The following PCMTD1 variants were observed in gnomAD, a reference collection of about 807,000 sequenced individuals.
PCMTD1 encodes the protein protein-L-isoaspartate O-methyltransferase domain-containing protein 1.
In PCMTD1, 12 loss-of-function variants were observed where a neutral mutation model predicts 37.6. The ratio of observed to expected loss-of-function variants is 0.32; its 90% CI spans 0.20 to 0.52. PCMTD1 has a LOEUF of 0.52. Among genes scored for constraint, PCMTD1 ranks in the 20% least tolerant of loss-of-function variants. The pLI, the probability that PCMTD1 is intolerant of heterozygous loss-of-function variation, is 0.97. For synonymous variants in PCMTD1, 117 were observed against 135.8 expected (o/e 0.86, Z 0.96); for missense variants, 235 against 421.3 (o/e 0.56, Z 3.87).
intron 1 of PCMTD1, among the ~76,000 whole-genome samples, chr8:51,866,550 T>C (rs1018777850): frequency 4.6e-5 from 7 of 151,902 alleles, no homozygotes; most frequent in Non-Finnish European, 1.0e-4. Flanking sequence ...CTTCAATAAG[T>C]GCTGCTGGGA....
At position 51,817,793 on chromosome 8, in the gene PCMTD1, T is replaced by C; in HGVS notation, c.*2558A>G. ...CAATAAGCAGTATAGATTTAAATTA[T>C]CTTCTTGGGTTGGTCTGAGGTTGCT... On this transcript the variant is annotated 3_prime_UTR_variant, in exon 6 of 6. Coordinates refer to ENST00000522514, the MANE Select transcript of PCMTD1 (RefSeq NM_052937.4). The C allele has an allele frequency of 2.2e-6, 1 of 455,922 alleles. No individual in the cohort carries two copies. The highest frequency in any genetic ancestry group is 7.0e-5 in the East Asian group (1 of 14,384). 28.2% of individuals were successfully genotyped at this position (455,922 alleles called of 1,614,324 possible).
chr8:51,820,121 ACT>A lies in PCMTD1; in HGVS notation c.*228_*229del. 3.0e-6 allele frequency: 1 copy of A among 337,874 alleles called. No individual in the cohort carries two copies. Among genetic ancestry groups the A allele is most frequent in the South Asian group, 6.9e-5 (1 of 14,470 alleles). 20.9% of individuals were successfully genotyped at this position (337,874 alleles called of 1,614,324 possible). A position where few individuals can be genotyped will look rare whatever the true frequency, so the allele number is the denominator to read the frequency against. ...TACTGTTGCATTCCACTTTGAAATC[ACT>A]CTGAGCTAAAACAACATTTTTCCAA... On this transcript the variant is annotated 3_prime_UTR_variant, in exon 6 of 6. Transcript: ENST00000522514.
At chr8:51,888,567 T>C (rs2038895236) in intron 1 of PCMTD1, among the ~76,000 whole-genome samples, 1 of 152,140 alleles carries the variant, frequency 6.6e-6, no homozygotes, top group Admixed American at 6.5e-5. Flanking sequence ...CAGAATCAAA[T>C]ATATGCATGA....
In PCMTD1 at chr8:51,831,182, C is replaced by T. The variant is rs1008650282; in HGVS notation, c.706+262G>A. On this transcript the variant is annotated intron_variant, in intron 5 of 5. Transcript: ENST00000522514. The stretch of plus-strand genomic sequence containing the variant: ...GCGTGGCGGTGCACACCTGTAATCC[C>T]ACCTACTTGGGTGTCTGAGGCACAA... Among the ~76,000 whole-genome samples, 8 of 151,884 alleles carry T rather than the reference C, an allele frequency of 5.3e-5. No individual in the cohort carries two copies. The South Asian group carries it at 1.0e-3, about 20-fold the overall frequency.
chr8:51,873,710 C>A (rs1022733388), intron 1 of PCMTD1, among the ~76,000 whole-genome samples: 2 of 152,032 alleles, frequency 1.3e-5, no homozygotes, highest in African/African-American at 4.8e-5. Context: ...CCTCCCCCTA[C>A]GCTCTCTGGC....
At chr8:51,895,690 TC>T (rs1297790991) in intron 1 of PCMTD1, among the ~76,000 whole-genome samples, 5 of 152,126 alleles carry the variant, frequency 3.3e-5, no homozygotes, top group Non-Finnish European at 7.4e-5. Context: ...CTTACCATAT[TC>T]TAAAAACGTC....
At chr8:51,848,319 A>G (rs1168433800) in intron 2 of PCMTD1, among the ~76,000 whole-genome samples, 2 of 152,130 alleles carry the variant, frequency 1.3e-5, no homozygotes, top group African/African-American at 2.4e-5. Context: ...GAGAGAGAGA[A>G]AAAAAATCTA....
intron 2 of PCMTD1, chr8:51,849,309 C>T (rs1296515741): frequency 6.6e-6 from 1 of 151,730 alleles, no homozygotes. Flanking sequence ...CTAATAGGTA[C>T]AAGTTGTCAA....
intron 5 of PCMTD1, among the ~76,000 whole-genome samples, chr8:51,824,588 GA>G (rs775853133): frequency 7.2e-5 from 11 of 152,134 alleles, no homozygotes; most frequent in Non-Finnish European, 1.3e-4. Context: ...TCATGGATAG[GA>G]AGAATCAATA....
chr8:51,831,443 C>A lies in PCMTD1; in HGVS notation c.706+1G>T. ...ATCAGAAAATATGAAGAGCTACTTACGGAGTCCCACAGAATCTGGTTTGCC... is the reference window on the plus strand; with the variant it reads ...ATCAGAAAATATGAAGAGCTACTTAAGGAGTCCCACAGAATCTGGTTTGCC... On this transcript the variant is annotated splice_donor_variant, in intron 5 of 5. Transcript: ENST00000522514. LOFTEE classifies it high-confidence loss of function. 6.2e-7 allele frequency: 1 copy of A among 1,612,062 alleles called. No homozygotes were observed. Among genetic ancestry groups the A allele is most frequent in the Non-Finnish European group, 8.5e-7 (1 of 1,179,222 alleles).
At chr8:51,857,408 G>A (rs905662185) in intron 2 of PCMTD1, among the ~76,000 whole-genome samples, 4 of 152,140 alleles carry the variant, frequency 2.6e-5, no homozygotes, top group Non-Finnish European at 4.4e-5. Context: ...GTTTATACAA[G>A]AAAATGAAAA....
chr8:51,868,210 C>A (rs1367727254), intron 1 of PCMTD1, among the ~76,000 whole-genome samples: 1 of 152,014 alleles, frequency 6.6e-6, no homozygotes, highest in African/African-American at 2.4e-5. Flanking sequence ...TTTACATAGT[C>A]AAAATACTAT....
At chr8:51,824,085 A>G (rs971711663) in intron 5 of PCMTD1, among the ~76,000 whole-genome samples, 1 of 152,188 alleles carries the variant, frequency 6.6e-6, no homozygotes, top group South Asian at 2.1e-4. Context: ...CCCACAGCCA[A>G]TATCATACTG....
intron 1 of PCMTD1, among the ~76,000 whole-genome samples, chr8:51,889,263 C>A (rs550663630): frequency 6.6e-6 from 1 of 152,126 alleles, no homozygotes; most frequent in African/African-American, 2.4e-5. Flanking sequence ...AAGTAGTATA[C>A]GACTCACAAA....
chr8:51,870,649 G>A (rs1388779442), intron 1 of PCMTD1, among the ~76,000 whole-genome samples: 1 of 152,108 alleles, frequency 6.6e-6, no homozygotes, highest in South Asian at 2.1e-4. Context: ...CATATGAGAA[G>A]CTCACAGACC....
Position 51,853,418 on chromosome 8 carries a change from C to T in PCMTD1, c.307+7427G>A, listed in dbSNP as rs552020691. On this transcript the variant is annotated intron_variant, in intron 2 of 5. Coordinates refer to ENST00000522514, the MANE Select transcript of PCMTD1 (RefSeq NM_052937.4). Reference sequence around the variant, plus strand: ...ACAAAGACAATTCTGTAGGTGCCAGCTCCTACACAGGGAGATAGAGATTCA... The same window carrying T: ...ACAAAGACAATTCTGTAGGTGCCAGTTCCTACACAGGGAGATAGAGATTCA... Among the ~76,000 whole-genome samples the T allele has an allele frequency of 3.3e-5, 5 of 151,728 alleles. No homozygotes were observed. The South Asian group carries it at 1.0e-3, about 32-fold the overall frequency.
chr8:51,880,121 G>A (rs2129291833), intron 1 of PCMTD1, among the ~76,000 whole-genome samples: 1 of 152,026 alleles, frequency 6.6e-6, no homozygotes, highest in East Asian at 1.9e-4. Context: ...GATCCCTTGG[G>A]ACCAGGAGTT....
At chr8:51,873,376 A>G (rs933998990) in intron 1 of PCMTD1, among the ~76,000 whole-genome samples, 2 of 152,206 alleles carry the variant, frequency 1.3e-5, no homozygotes, top group African/African-American at 4.8e-5. Context: ...AGAAATGCAC[A>G]CTTAAAAAAT....
chr8:51,880,964 T>C (rs2038782576), intron 1 of PCMTD1, among the ~76,000 whole-genome samples: 2 of 152,188 alleles, frequency 1.3e-5, no homozygotes, highest in South Asian at 4.1e-4. Context: ...TTCCAACCAT[T>C]TGAAAGTAAA....
Sources: allele counts gnomAD v4.1 joint callset (sites outside exome capture counted in the v4.1 genomes callset), GRCh38; gene constraint gnomAD v4.1.1; transcripts MANE v1.5; gene names NCBI Gene and HGNC (gene_info 2026-07-23, HGNC 2026-07-21).